Variants in SPAST observed in about 807,000 individuals in gnomAD.
SPAST encodes spastic paraplegia 4 (autosomal dominant; spastin).
Under a neutral mutation model 76.6 loss-of-function variants are expected in SPAST, and 30 were observed. That is an observed-to-expected ratio of 0.39 (90% confidence interval 0.29 to 0.53). The LOEUF (loss-of-function observed/expected upper bound fraction) is 0.53. Ranked by LOEUF, SPAST falls within the 20% of genes least tolerant of loss-of-function variation. SPAST has a pLI of 0.68. For synonymous variants in SPAST, 305 were observed against 281.0 expected (o/e 1.09, Z -0.86); for missense variants, 717 against 770.5 (o/e 0.93, Z 0.82).
intron 9 of SPAST, chr2:32,129,669 C>A (rs1313634873): frequency 1.3e-5 from 2 of 152,146 alleles, no homozygotes; most frequent in Non-Finnish European, 2.9e-5. Context: ...CCTCCCCCTC[C>A]CAATGATACC....
intron 1 of SPAST, among the ~76,000 whole-genome samples, chr2:32,086,535 G>A (rs1307969511): frequency 6.6e-6 from 1 of 151,364 alleles, no homozygotes; most frequent in African/African-American, 2.4e-5. Flanking sequence ...GGCCAAGGCG[G>A]GTGGATCACC....
At chr2:32,147,318 A>G (rs970649627) in intron 16 of SPAST, 60 bp downstream of exon 16, 8 of 1,013,700 alleles carry the variant, frequency 7.9e-6, no homozygotes, top group African/African-American at 3.2e-5. Flanking sequence ...TATATAAGAC[A>G]TACATATATG....
At chr2:32,082,203 G>C (rs1220176343) in intron 1 of SPAST, among the ~76,000 whole-genome samples, 1 of 150,188 alleles carries the variant, frequency 6.7e-6, no homozygotes, top group African/African-American at 2.4e-5. Flanking sequence ...ATGTTGGCCA[G>C]GCTGGTCTCG....
intron 16 of SPAST, among the ~76,000 whole-genome samples, chr2:32,153,762 T>C (rs1218954799): frequency 6.6e-6 from 1 of 152,016 alleles, no homozygotes; most frequent in African/African-American, 2.4e-5. Context: ...GATCAGAAAA[T>C]AAGACCAAAT....
intron 15 of SPAST, 133 bp from the exon 16 acceptor site, chr2:32,147,083 CAT>C (rs1464492568): frequency 6.2e-6 from 4 of 644,628 alleles, no homozygotes; most frequent in South Asian, 5.6e-5. Flanking sequence ...TCAAAGTTAA[CAT>C]GTGTCTCTTT....
intron 16 of SPAST, among the ~76,000 whole-genome samples, chr2:32,151,488 A>G (rs1240714558): frequency 1.3e-5 from 2 of 152,206 alleles, no homozygotes; most frequent in Non-Finnish European, 2.9e-5. Flanking sequence ...TTATGGGATG[A>G]GACGTAAACA....
chr2:32,137,066 A>T, intron 11 of SPAST, 43 bp from the exon 12 acceptor site: 1 of 1,566,706 alleles, frequency 6.4e-7, no homozygotes, highest in Non-Finnish European at 8.8e-7. Flanking sequence ...TATATTTGTT[A>T]TTACTTTTCT....
intron 8 of SPAST, chr2:32,127,329 G>C (rs1679229217): frequency 5.5e-6 from 2 of 362,206 alleles, no homozygotes; most frequent in African/African-American, 2.1e-5. Flanking sequence ...TGTTGGCCAG[G>C]CTGGTGTCGA....
chr2:32,069,080 G>A (rs1207293609), intron 1 of SPAST, among the ~76,000 whole-genome samples: 2 of 151,928 alleles, frequency 1.3e-5, no homozygotes, highest in Admixed American at 1.3e-4. Flanking sequence ...GGGCATAGTG[G>A]TGCACGCCTG....
intron 4 of SPAST, among the ~76,000 whole-genome samples, chr2:32,105,679 A>G (rs1309802222): frequency 6.6e-6 from 1 of 151,818 alleles, no homozygotes; most frequent in Non-Finnish European, 1.5e-5. Flanking sequence ...TCCTTCTAAC[A>G]CTCAGGACCC....
intron 4 of SPAST, among the ~76,000 whole-genome samples, chr2:32,113,973 C>G (rs1481957597): frequency 2.7e-5 from 4 of 149,626 alleles, no homozygotes; most frequent in Non-Finnish European, 5.9e-5. Context: ...GAGATGGAAT[C>G]TCTCTCTGTC....
At chr2:32,147,955 A>AGGGTTTCACCATGTTGGC in intron 16 of SPAST, among the ~76,000 whole-genome samples, 1 of 133,890 alleles carries the variant, frequency 7.5e-6, no homozygotes, top group East Asian at 2.3e-4. Context: ...TTTTTGAGAC[A>AGGGTTTCACCATGTTGGC]CAGGGTCTTG....
chr2:32,128,739 A>C (rs1397504308), intron 9 of SPAST: 3 of 459,564 alleles, frequency 6.5e-6, no homozygotes, highest in Admixed American at 6.9e-5. Flanking sequence ...TTATTGTCTC[A>C]CAGTTGTGGA....
At chr2:32,148,727 C>T (rs1679976758) in intron 16 of SPAST, among the ~76,000 whole-genome samples, 2 of 151,584 alleles carry the variant, frequency 1.3e-5, no homozygotes, top group South Asian at 2.1e-4. Context: ...AGGAGAATGG[C>T]GTGAACCTGG....
intron 1 of SPAST, among the ~76,000 whole-genome samples, chr2:32,073,312 C>A (rs1219791587): frequency 1.3e-5 from 2 of 152,088 alleles, no homozygotes; most frequent in African/African-American, 4.8e-5. Flanking sequence ...GGATTACAGG[C>A]GTGAGCCACT....
intron 16 of SPAST, among the ~76,000 whole-genome samples, chr2:32,149,942 A>G (rs1030052127): frequency 2.0e-5 from 3 of 151,502 alleles, no homozygotes; most frequent in Non-Finnish European, 2.9e-5. Flanking sequence ...CTGTTAACAC[A>G]GATAACAAGT....
rs924207048 is a variant in SPAST, at chr2:32,155,227, T to C, written c.*731T>C. 6.5e-6 allele frequency: 1 copy of C among 152,732 alleles called. No homozygotes were observed. The highest frequency in any genetic ancestry group is 1.5e-5 in the Non-Finnish European group (1 of 68,120). 9.5% of individuals were successfully genotyped at this position (152,732 alleles called of 1,614,324 possible). A position where few individuals can be genotyped will look rare whatever the true frequency, so the allele number is the denominator to read the frequency against. The stretch of plus-strand genomic sequence containing the variant: ...TGAAGGTTTGAGTTACTCTGTCATA[T>C]AACATGTAGATCAGTCTTCATGTGA... On this transcript the variant is annotated 3_prime_UTR_variant, in exon 17 of 17. Transcript: ENST00000315285.
At chr2:32,096,133 C>G (rs1172314428) in intron 3 of SPAST, among the ~76,000 whole-genome samples, 1 of 152,170 alleles carries the variant, frequency 6.6e-6, no homozygotes, top group Non-Finnish European at 1.5e-5. Context: ...AACATTAGTC[C>G]TTTAACAGAA....
intron 1 of SPAST, among the ~76,000 whole-genome samples, chr2:32,065,549 A>G (rs985095722): frequency 2.0e-5 from 3 of 152,128 alleles, no homozygotes; most frequent in African/African-American, 7.2e-5. Context: ...TAATAATGAA[A>G]TTTCTTTTAT....
Sources: allele counts gnomAD v4.1 joint callset (sites outside exome capture counted in the v4.1 genomes callset), GRCh38; gene constraint gnomAD v4.1.1; transcripts MANE v1.5; gene names NCBI Gene and HGNC (gene_info 2026-07-23, HGNC 2026-07-21).